RELA: variants seen among roughly 807,000 people sequenced by gnomAD.
RELA encodes transcription factor p65.
Under a neutral mutation model 56.7 loss-of-function variants are expected in RELA, and 14 were observed. The observed-to-expected ratio is 0.25, with a 90% CI of 0.16 to 0.39. RELA has a LOEUF of 0.39. RELA is among the 10% of genes least tolerant of loss of function. The pLI, the probability that RELA is intolerant of heterozygous loss-of-function variation, is 1.00. For missense variants in RELA, 559 were observed against 736.4 expected (o/e 0.76, Z 2.79); for synonymous variants, 315 against 289.7 (o/e 1.09, Z -0.89).
chr11:65,662,465 T>G, intron 1 of RELA: 1 of 478,146 alleles, frequency 2.1e-6, no homozygotes, highest in Non-Finnish European at 3.6e-6. Flanking sequence ...TTAAGGAAAA[T>G]TGAGGGAGGG....
Position 65,654,086 on chromosome 11 carries a change from G to T in RELA, c.*292C>A, listed in dbSNP as rs1484773831. The T allele has an allele frequency of 6.6e-6, 3 of 455,674 alleles. No individual in the cohort carries two copies. Among genetic ancestry groups the T allele is most frequent in the African/African-American group, 6.0e-5 (3 of 50,158 alleles). 28.2% of individuals were successfully genotyped at this position (455,674 alleles called of 1,614,324 possible). ...CAGAAGCTGGAGGATGGGGATGGGG[G>T]ACCCCAGAGTTCCCTACAGAGAAGG... On this transcript the variant is annotated 3_prime_UTR_variant, in exon 11 of 11. Transcript: ENST00000406246.
At position 65,660,163 on chromosome 11, in the gene RELA, T is replaced by C. The variant is rs1429314714; in HGVS notation, c.388A>G (p.Ile130Val). Residue 130 changes from isoleucine to valine, a missense_variant, in exon 5 of 11, where the codon ATC becomes GTC. Physicochemically the swap from Ile to Val is conservative, Grantham distance 29 (BLOSUM62 3). This residue lies in a region of RELA where 149 missense variants were observed against 256.0 expected (regional missense o/e 0.58). Coordinates refer to ENST00000406246, the MANE Select transcript of RELA (RefSeq NM_021975.4). Reference sequence around the variant, plus strand: ...TTGTTGGTCTGGATGCGCTGACTGATAGCCTGCTCCAGGTCCCGCTTCTTC... The same window carrying C: ...TTGTTGGTCTGGATGCGCTGACTGACAGCCTGCTCCAGGTCCCGCTTCTTC... ...CVKKRDLEQA[I>V]SQRIQTNNNP... 2 of 1,614,134 alleles carry C rather than the reference T, an allele frequency of 1.2e-6. No individual in the cohort carries two copies. The highest frequency in any genetic ancestry group is 1.1e-5 in the South Asian group (1 of 91,084).
In RELA at chr11:65,659,812, G is replaced by A; in HGVS notation, c.428-15C>T. ...TTCTATAGGAACTGCCAAGAAAACA[G>A]GCGATCAGGAGAGCAGGGGAAGTGG... On this transcript the variant is annotated splice_polypyrimidine_tract_variant and intron_variant, in intron 5 of 10. Coordinates refer to ENST00000406246, the MANE Select transcript of RELA (RefSeq NM_021975.4). 1 of 1,605,744 alleles carries A rather than the reference G, an allele frequency of 6.2e-7. No homozygotes were observed. Among genetic ancestry groups the A allele is most frequent in the Non-Finnish European group, 8.5e-7 (1 of 1,175,756 alleles).
chr11:65,660,293 TA>T, intron 4 of RELA, 78 bp from the exon 5 acceptor site: 1 of 1,319,994 alleles, frequency 7.6e-7, no homozygotes, highest in Non-Finnish European at 1.1e-6. Flanking sequence ...TGCTCCTTCC[TA>T]CTCTGCCCAC....
In RELA at chr11:65,662,553, C is replaced by T. The variant is rs1018563902; in HGVS notation, c.7+273G>A. On this transcript the variant is annotated intron_variant, in intron 1 of 10. Coordinates refer to ENST00000406246, the MANE Select transcript of RELA (RefSeq NM_021975.4). ...ATAGGGAAACGAAGCCAGAGCTGCC[C>T]CCATGGACGGTGTGGAGGGAAACTG... 3.4e-5 allele frequency: 14 copies of T among 416,504 alleles called. No individual in the cohort carries two copies. The Admixed American group carries it at 5.5e-4, about 16-fold the overall frequency. 25.8% of individuals were successfully genotyped at this position (416,504 alleles called of 1,614,324 possible).
upstream of RELA, chr11:65,662,930 C>T (rs1051135679): frequency 9.7e-6 from 10 of 1,026,102 alleles, no homozygotes; most frequent in East Asian, 4.0e-4. Context: ...CCGCGCGGCC[C>T]GCCGTCGCGT....
chr11:65,661,598 G>A (rs2135571054), intron 4 of RELA, 89 bp downstream of exon 4: 2 of 1,269,996 alleles, frequency 1.6e-6, no homozygotes, highest in East Asian at 2.4e-5. Context: ...TTCTGCCCTG[G>A]GTCCAGAAAG....
chr11:65,661,701 G>A lies in RELA; in HGVS notation c.321C>T (p.Asp107=), dbSNP rs1259897060. 2.5e-6 allele frequency: 4 copies of A among 1,600,872 alleles called. No homozygotes were observed. ...AGGGACCTCACCTGTGGATGCAGCG[G>A]TCCGGGCAGAGCTCAGCCTCATAGA... The part of the protein sequence containing the change: ...DGFYEAELCP[D]RCIHSFQNLG... The change falls in exon 4 of 11, where the codon GAC becomes GAT. Residue 107 remains aspartate, a synonymous_variant. Transcript: ENST00000406246.
chr11:65,655,605 G>A, intron 10 of RELA, 83 bp downstream of exon 10: 1 of 1,341,530 alleles, frequency 7.5e-7, no homozygotes, highest in Non-Finnish European at 1.1e-6. Flanking sequence ...TCTGTAATGG[G>A]GCCCAGGAGT....
At chr11:65,661,877 C>G in intron 3 of RELA, 42 bp from the exon 4 acceptor site, 1 of 1,602,896 alleles carries the variant, frequency 6.2e-7, no homozygotes, top group Non-Finnish European at 8.5e-7. Flanking sequence ...ACCTGACTCC[C>G]AAACACAGAG....
At position 65,659,706 on chromosome 11, in the gene RELA, G is replaced by A. The variant is rs771027934; in HGVS notation, c.519C>T (p.Leu173=). ...VTVRDPSGRP[L]RLPPVLSHPI... ...GATGAGAAAGGACAGGCGGCAGGCG[G>A]AGGGGCCTGCCTGATGGGTCCCGCA... Residue 173 remains leucine, a synonymous_variant, in exon 6 of 11, where the codon CTC becomes CTT. Coordinates refer to ENST00000406246, the MANE Select transcript of RELA (RefSeq NM_021975.4). 3.1e-6 allele frequency: 5 copies of A among 1,613,944 alleles called. No homozygotes were observed. The highest frequency in any genetic ancestry group is 4.2e-6 in the Non-Finnish European group (5 of 1,180,010).
chr11:65,654,513 G>C lies in RELA; in HGVS notation c.1521C>G (p.Ala507=). 6.2e-7 allele frequency: 1 copy of C among 1,604,274 alleles called. No homozygotes were observed. Among genetic ancestry groups the C allele is most frequent in the South Asian group, 1.1e-5 (1 of 89,466 alleles). The change falls in exon 11 of 11, where the codon GCC becomes GCG. Residue 507 remains alanine, a synonymous_variant. Coordinates refer to ENST00000406246, the MANE Select transcript of RELA (RefSeq NM_021975.4). ...CAGGAGCTGGGTCGGGGGGCCTCTG[G>C]GCCCCTGTCACTAGGCGAGTTATAG... ...PEAITRLVTG[A]QRPPDPAPAP...
chr11:65,660,404 C>T lies in RELA; in HGVS notation c.336-189G>A. The T allele has an allele frequency of 4.9e-6, 3 of 607,548 alleles. No individual in the cohort carries two copies. In the South Asian group the frequency reaches 6.0e-5, roughly 12 times the overall value. 37.6% of individuals were successfully genotyped at this position (607,548 alleles called of 1,614,324 possible). On this transcript the variant is annotated intron_variant, in intron 4 of 10. Coordinates refer to ENST00000406246, the MANE Select transcript of RELA (RefSeq NM_021975.4). ...TCAGCTGACAAGCACCTCCGTGCCC[C>T]TGCCCCTGCCAGCCTCCCTGTGGGC...
intron 5 of RELA, 159 bp downstream of exon 5, chr11:65,659,965 C>T (rs1184217898): frequency 1.3e-5 from 15 of 1,153,548 alleles, no homozygotes; most frequent in East Asian, 7.2e-5. Flanking sequence ...ATGTCATGTC[C>T]CCTCCTGGGA....
intron 1 of RELA, 114 bp from the exon 2 acceptor site, chr11:65,662,319 G>A: frequency 7.8e-7 from 1 of 1,287,156 alleles, no homozygotes; most frequent in Non-Finnish European, 1.0e-6. Context: ...AACTGAGTCA[G>A]GACCTGCTCC....
At chr11:65,656,790 C>T (rs576489907) in intron 8 of RELA, among the ~76,000 whole-genome samples, 9 of 152,092 alleles carry the variant, frequency 5.9e-5, no homozygotes, top group South Asian at 2.1e-4. Flanking sequence ...TTTGGGAGGT[C>T]GAGGCGGGTG....
At chr11:65,655,803 T>G (rs368546328) in intron 9 of RELA, 41 bp from the exon 10 acceptor site, 2 of 1,612,134 alleles carry the variant, frequency 1.2e-6, no homozygotes, top group Non-Finnish European at 1.7e-6. Flanking sequence ...CCCCAGGGTG[T>G]CCCCTCCCTG....
At position 65,658,829 on chromosome 11, in the gene RELA, C is replaced by T. The variant is rs777899903; in HGVS notation, c.560-7G>A. 6.2e-7 allele frequency: 1 copy of T among 1,613,436 alleles called. No homozygotes were observed. The highest frequency in any genetic ancestry group is 8.5e-7 in the Non-Finnish European group (1 of 1,179,508). On this transcript the variant is annotated splice_region_variant and splice_polypyrimidine_tract_variant and intron_variant, in intron 6 of 10. Transcript: ENST00000406246. This position sits in a 1 kb window ranked among gnomAD's most constrained non-coding sequence, Gnocchi z 4.5. ...TCGGCAGTGTTGGGGGCACCTGAGG[C>T]AGTGAAAACAAGGGAGGATGACCTG... is the stretch of plus-strand genomic sequence containing the variant.
At chr11:65,655,549 G>T in intron 10 of RELA, 139 bp downstream of exon 10, 1 of 777,164 alleles carries the variant, frequency 1.3e-6, no homozygotes, top group African/African-American at 1.7e-5. Flanking sequence ...ATCCCAGGAA[G>T]TCGCTGGTTC....
Sources: allele counts gnomAD v4.1 joint callset (sites outside exome capture counted in the v4.1 genomes callset), GRCh38; gene constraint gnomAD v4.1.1; regional missense constraint gnomAD v4.1.1; non-coding constraint Gnocchi (gnomAD v3.1); transcripts MANE v1.5; gene names NCBI Gene and HGNC (gene_info 2026-07-23, HGNC 2026-07-21).